Variants in GCC2 observed in about 807,000 individuals in gnomAD.
The protein encoded by GCC2 is GRIP and coiled-coil domain-containing protein 2.
Under a neutral mutation model 210.6 loss-of-function variants are expected in GCC2, and 120 were observed. The ratio of observed to expected loss-of-function variants is 0.57; its 90% CI spans 0.49 to 0.66. The LOEUF is 0.66. Ranked by LOEUF, GCC2 falls within the 30% of genes least tolerant of loss-of-function variation. The pLI, the probability that GCC2 is intolerant of heterozygous loss-of-function variation, is 0.00. For synonymous variants in GCC2, 703 were observed against 652.7 expected (o/e 1.08, Z -1.17); for missense variants, 1,868 against 1,871.9 (o/e 1.00, Z 0.04).
At chr2:108,492,527 A>G in intron 18 of GCC2, 46 bp from the exon 19 acceptor site, 1 of 1,259,400 alleles carries the variant, frequency 7.9e-7, no homozygotes, top group Non-Finnish European at 1.2e-6. Flanking sequence ...CTAAGTCAGC[A>G]TATAAAGTTG....
rs1487609894 is a variant in GCC2, at chr2:108,487,914, T to C, written c.4052+94T>C. On this transcript the variant is annotated intron_variant, in intron 17 of 22. Coordinates refer to ENST00000309863, the MANE Select transcript of GCC2 (RefSeq NM_181453.4). ...ATCCTATTATGATTTTTTTTTTTTT[T>C]TTTTTTTTTGAGACAGACTTTCGCT... 3 of 1,355,484 alleles carry C rather than the reference T, an allele frequency of 2.2e-6. No homozygotes were observed. In the South Asian group the frequency reaches 3.9e-5, roughly 18 times the overall value. The allele number at this position is 1,355,484 out of a possible 1,614,324, so 84.0% of individuals were successfully genotyped here. A position where few individuals can be genotyped will look rare whatever the true frequency, so the allele number is the denominator to read the frequency against.
At chr2:108,479,430 T>C (rs2577616) in intron 9 of GCC2, among the ~76,000 whole-genome samples, 92,381 of 151,950 alleles carry the variant, frequency 0.61, 28,757 homozygotes, top group East Asian at 0.96. Flanking sequence ...TGCCTGAGCT[T>C]AGGAGTTTGA....
chr2:108,503,760 T>C (rs1189684908), intron 22 of GCC2, among the ~76,000 whole-genome samples: 5 of 152,200 alleles, frequency 3.3e-5, no homozygotes, highest in African/African-American at 9.6e-5. Context: ...TTGCTACCTA[T>C]TAGTGGATGG....
intron 4 of GCC2, among the ~76,000 whole-genome samples, chr2:108,463,352 G>T (rs1007388026): frequency 6.6e-6 from 1 of 151,838 alleles, no homozygotes; most frequent in Non-Finnish European, 1.5e-5. Context: ...ATTTACTTTT[G>T]TAGGGAAGAA....
intron 2 of GCC2, 199 bp downstream of exon 2, chr2:108,449,888 G>A (rs2460944): frequency 0.62 from 360,810 of 577,314 alleles, 115,550 homozygotes; most frequent in East Asian, 0.92. Context: ...CTTTTTGTTT[G>A]CTTCCTGCTC....
intron 7 of GCC2, among the ~76,000 whole-genome samples, chr2:108,474,430 C>T (rs1681402705): frequency 6.6e-6 from 1 of 152,168 alleles, no homozygotes; most frequent in Admixed American, 6.5e-5. Flanking sequence ...GTACTGAGAC[C>T]TGACCACTGC....
chr2:108,484,818 C>T (rs1273720128), intron 13 of GCC2: 1 of 151,830 alleles, frequency 6.6e-6, no homozygotes, highest in East Asian at 1.9e-4. Flanking sequence ...GTTTTGGTTA[C>T]TGTAGCCTTG....
At chr2:108,478,600 ACT>A (rs1430019585) in intron 9 of GCC2, among the ~76,000 whole-genome samples, 1 of 152,168 alleles carries the variant, frequency 6.6e-6, no homozygotes, top group Non-Finnish European at 1.5e-5. Flanking sequence ...AGGAAAGTAG[ACT>A]CTTGTATGCA....
intron 4 of GCC2, among the ~76,000 whole-genome samples, chr2:108,463,126 T>C (rs1480754097): frequency 6.6e-6 from 1 of 152,154 alleles, no homozygotes; most frequent in Non-Finnish European, 1.5e-5. Context: ...GTATTGTTTT[T>C]TGGAAACTTT....
chr2:108,451,827 T>TTCTCTCTC (rs906608032), intron 3 of GCC2, among the ~76,000 whole-genome samples: 5 of 149,642 alleles, frequency 3.3e-5, no homozygotes, highest in African/African-American at 1.2e-4. Flanking sequence ...AACGTTTCTT[T>TTCTCTCTC]TCTCTCTCTC....
In GCC2 at chr2:108,449,217, C is replaced by G; in HGVS notation, c.-58C>G. ...GTAGAGCCTACGTCAGAGGCTGGCG[C>G]AAACAGAAGTGCAGCGGTGGCGGCG... On this transcript the variant is annotated 5_prime_UTR_variant, in exon 1 of 23. Coordinates refer to ENST00000309863, the MANE Select transcript of GCC2 (RefSeq NM_181453.4). The G allele has an allele frequency of 1.3e-6, 2 of 1,532,818 alleles. No homozygotes were observed. The highest frequency in any genetic ancestry group is 1.8e-6 in the Non-Finnish European group (2 of 1,131,758). The allele number at this position is 1,532,818 out of a possible 1,614,324, so 95.0% of individuals were successfully genotyped here.
At chr2:108,454,692 T>C (rs1466106097) in intron 4 of GCC2, among the ~76,000 whole-genome samples, 1 of 152,220 alleles carries the variant, frequency 6.6e-6, no homozygotes, top group Non-Finnish European at 1.5e-5. Flanking sequence ...TCTTAAATTC[T>C]TTCTCTATGA....
At chr2:108,475,726 T>C in intron 8 of GCC2, 26 bp from the exon 9 acceptor site, 1 of 1,534,570 alleles carries the variant, frequency 6.5e-7, no homozygotes, top group South Asian at 1.2e-5. Flanking sequence ...CAAAAACCTC[T>C]TTAATTTTAC....
intron 12 of GCC2, 117 bp downstream of exon 12, chr2:108,483,283 GCA>G: frequency 1.7e-6 from 1 of 602,844 alleles, no homozygotes; most frequent in Non-Finnish European, 3.0e-6. Flanking sequence ...GAGTGCAGTG[GCA>G]TGATCTCGGC....
intron 18 of GCC2, among the ~76,000 whole-genome samples, chr2:108,492,141 GTT>G (rs200630743): frequency 1.4e-5 from 2 of 140,080 alleles, no homozygotes; most frequent in South Asian, 2.3e-4. Context: ...AGAGTGTGGG[GTT>G]TTTTTTTTTT....
At chr2:108,481,918 T>A (rs1681875737) in intron 10 of GCC2, 102 bp downstream of exon 10, 2 of 829,576 alleles carry the variant, frequency 2.4e-6, no homozygotes, top group Non-Finnish European at 3.6e-6. Context: ...GAAACAGAAT[T>A]TATTCCCCCC....
intron 13 of GCC2, among the ~76,000 whole-genome samples, chr2:108,484,980 A>T (rs1487816712): frequency 6.6e-6 from 1 of 151,712 alleles, no homozygotes; most frequent in Non-Finnish European, 1.5e-5. Flanking sequence ...ACCATGGAAT[A>T]CTATGCAGCC....
chr2:108,472,186 A>G (rs1202100103), intron 6 of GCC2, 70 bp downstream of exon 6: 3 of 1,084,988 alleles, frequency 2.8e-6, no homozygotes, highest in Middle Eastern at 3.2e-4. Context: ...TACGTTAAAC[A>G]TTTTTACACC....
intron 19 of GCC2, chr2:108,493,263 T>C (rs1021488262): frequency 4.6e-5 from 21 of 453,188 alleles, no homozygotes; most frequent in Non-Finnish European, 6.1e-5. Flanking sequence ...TAATTTTTTG[T>C]ATTTTTAGTA....
Sources: allele counts gnomAD v4.1 joint callset (sites outside exome capture counted in the v4.1 genomes callset), GRCh38; gene constraint gnomAD v4.1.1; transcripts MANE v1.5; gene names NCBI Gene and HGNC (gene_info 2026-07-23, HGNC 2026-07-21).